CLEC16A: variants seen among roughly 807,000 people sequenced by gnomAD.
CLEC16A encodes the protein protein CLEC16A.
Under a neutral mutation model 109.5 loss-of-function variants are expected in CLEC16A, and 51 were observed. The ratio of observed to expected loss-of-function variants is 0.47; its 90% CI spans 0.37 to 0.59. The LOEUF (loss-of-function observed/expected upper bound fraction) is 0.59, where lower values mean the gene tolerates loss of function less well. CLEC16A is among the 20% of genes least tolerant of loss of function. The pLI is 0.00. For synonymous variants in CLEC16A, 673 were observed against 564.2 expected (o/e 1.19, Z -2.73); for missense variants, 1,339 against 1,394.0 (o/e 0.96, Z 0.63).
chr16:10,990,556 C>T (rs879523165), intron 10 of CLEC16A, among the ~76,000 whole-genome samples: 1 of 152,234 alleles, frequency 6.6e-6, no homozygotes, highest in Non-Finnish European at 1.5e-5. Context: ...GGGCAGGTGC[C>T]TTCATTGCTA....
intron 23 of CLEC16A, among the ~76,000 whole-genome samples, chr16:11,170,890 G>A (rs562437359): frequency 1.3e-5 from 2 of 152,340 alleles, no homozygotes; most frequent in African/African-American, 4.8e-5. Flanking sequence ...AGCCGATGCA[G>A]AACAGTGCGG....
At chr16:10,970,093 A>G (rs867993090) in intron 4 of CLEC16A, among the ~76,000 whole-genome samples, 3 of 152,172 alleles carry the variant, frequency 2.0e-5, no homozygotes, top group Non-Finnish European at 4.4e-5. Context: ...TATCACCCAC[A>G]CCAAAAGGTC....
intron 19 of CLEC16A, among the ~76,000 whole-genome samples, chr16:11,067,962 T>C (rs2048859959): frequency 6.6e-6 from 1 of 152,130 alleles, no homozygotes; most frequent in African/African-American, 2.4e-5. Flanking sequence ...ACCCAACTAT[T>C]TGGGTTGTAT....
intron 10 of CLEC16A, among the ~76,000 whole-genome samples, chr16:10,996,147 T>C (rs1390597441): frequency 6.6e-6 from 1 of 152,148 alleles, no homozygotes; most frequent in Non-Finnish European, 1.5e-5. Flanking sequence ...CCCCACTGAA[T>C]AGATGCTGAG....
chr16:11,105,512 T>A (rs1420831051), intron 19 of CLEC16A, among the ~76,000 whole-genome samples: 3 of 152,216 alleles, frequency 2.0e-5, no homozygotes, highest in African/African-American at 7.2e-5. Context: ...GGGGGAAAGA[T>A]GAAGACACAC....
At chr16:11,065,445 G>T (rs549619800) in intron 19 of CLEC16A, among the ~76,000 whole-genome samples, 1 of 152,194 alleles carries the variant, frequency 6.6e-6, no homozygotes, top group East Asian at 1.9e-4. Context: ...ATTCAATGAA[G>T]ACCCATTCAT....
At chr16:11,173,801 C>T (rs1360169962) in intron 23 of CLEC16A, among the ~76,000 whole-genome samples, 1 of 152,162 alleles carries the variant, frequency 6.6e-6, no homozygotes, top group African/African-American at 2.4e-5. Context: ...TCTGTTCTTC[C>T]GTCCCCTGAG....
rs935862754 is a variant in CLEC16A, at chr16:11,180,270, G to T, written c.*1580G>T. 1 of 152,444 alleles carries T rather than the reference G, an allele frequency of 6.6e-6. No homozygotes were observed. Among genetic ancestry groups the T allele is most frequent in the African/African-American group, 2.4e-5 (1 of 41,466 alleles). The allele number at this position is 152,444 out of a possible 1,614,324, so 9.4% of individuals were successfully genotyped here. ...AAGGAAACACAGTCCTGCCAAGGAG[G>T]GGGAGTGGCGCCCATGGGGACAGGC... On this transcript the variant is annotated 3_prime_UTR_variant, in exon 24 of 24. Transcript: ENST00000409790.
rs570064576 is a variant in CLEC16A, at chr16:11,031,830, A to T, written c.1537+6909A>T. On this transcript the variant is annotated intron_variant, in intron 13 of 23. Coordinates refer to ENST00000409790, the MANE Select transcript of CLEC16A (RefSeq NM_015226.3). ...TAGAGGGTACTACATCCGCCTGAGC[A>T]ATCAGGAGAGGCCTCTTGGAGGCTT... 7.9e-5 allele frequency among the ~76,000 whole-genome samples: 12 copies of T among 152,366 alleles called. No homozygotes were observed. The East Asian group carries it at 2.1e-3, about 27-fold the overall frequency.
At chr16:11,104,262 C>G (rs964313765) in intron 19 of CLEC16A, among the ~76,000 whole-genome samples, 5 of 126,378 alleles carry the variant, frequency 4.0e-5, no homozygotes, top group Non-Finnish European at 3.3e-5. Context: ...CCATGTGCCA[C>G]CATACCCAGC....
At chr16:11,084,532 T>A (rs1232000773) in intron 19 of CLEC16A, among the ~76,000 whole-genome samples, 2 of 152,098 alleles carry the variant, frequency 1.3e-5, no homozygotes, top group East Asian at 3.9e-4. Context: ...AGACCATGAC[T>A]CCAGGGCCCT....
At chr16:11,029,588 A>G (rs1343474713) in intron 13 of CLEC16A, among the ~76,000 whole-genome samples, 1 of 151,928 alleles carries the variant, frequency 6.6e-6, no homozygotes, top group African/African-American at 2.4e-5. Flanking sequence ...TCTCCCTCTC[A>G]GGGATCTCTC....
intron 19 of CLEC16A, among the ~76,000 whole-genome samples, chr16:11,068,967 A>G (rs568911700): frequency 1.3e-5 from 2 of 149,910 alleles, no homozygotes; most frequent in South Asian, 2.1e-4. Flanking sequence ...GGTGCATGCC[A>G]TCACGCCTGG....
intron 10 of CLEC16A, among the ~76,000 whole-genome samples, chr16:10,998,458 T>C (rs1359238152): frequency 6.6e-6 from 1 of 152,216 alleles, no homozygotes; most frequent in East Asian, 1.9e-4. Flanking sequence ...TTGGGACATG[T>C]AGACCTTCTT....
At chr16:11,107,029 G>A (rs1017592690) in intron 19 of CLEC16A, among the ~76,000 whole-genome samples, 2 of 152,178 alleles carry the variant, frequency 1.3e-5, no homozygotes, top group Non-Finnish European at 2.9e-5. Context: ...GTGCTCTGCC[G>A]GTTACTCTTG....
At chr16:11,109,718 C>A (rs953581863) in intron 19 of CLEC16A, among the ~76,000 whole-genome samples, 3 of 152,212 alleles carry the variant, frequency 2.0e-5, no homozygotes, top group Non-Finnish European at 4.4e-5. Flanking sequence ...GTCCTATCAG[C>A]TGTGGGCCCT....
chr16:11,090,029 T>C (rs992172074), intron 19 of CLEC16A, among the ~76,000 whole-genome samples: 5 of 152,182 alleles, frequency 3.3e-5, no homozygotes, highest in Non-Finnish European at 7.3e-5. Context: ...GTTTAGACAT[T>C]CCTAACTCTG....
chr16:10,999,470 G>A (rs2044532834), intron 10 of CLEC16A, among the ~76,000 whole-genome samples: 1 of 152,164 alleles, frequency 6.6e-6, no homozygotes, highest in African/African-American at 2.4e-5. Context: ...CTCCCTTCCT[G>A]CATTTTCATC....
At position 11,181,550 on chromosome 16, in the gene CLEC16A, G is replaced by C. The variant is rs2068959007; in HGVS notation, c.*2860G>C. The C allele has an allele frequency of 6.6e-6, 1 of 152,332 alleles. No individual in the cohort carries two copies. The highest frequency in any genetic ancestry group is 2.4e-5 in the African/African-American group (1 of 41,468). 9.4% of individuals were successfully genotyped at this position (152,332 alleles called of 1,614,324 possible). On this transcript the variant is annotated 3_prime_UTR_variant, in exon 24 of 24. Transcript: ENST00000409790. ...CCAAACCTTGGCTTTGAATATTGTTGTGGAGGTGTGCTCGTCCCTTTCTGG... is the reference window on the plus strand; with the variant it reads ...CCAAACCTTGGCTTTGAATATTGTTCTGGAGGTGTGCTCGTCCCTTTCTGG...
Sources: gnomAD v4.1 joint callset for allele counts (sites outside exome capture counted in the v4.1 genomes callset) on GRCh38, gnomAD v4.1.1 for gene constraint, MANE v1.5 for transcripts, NCBI Gene and HGNC (gene_info 2026-07-23, HGNC 2026-07-21) for gene names.